Variants in CLVS1 observed in about 807,000 individuals in gnomAD.
The protein encoded by CLVS1 is clavesin-1.
Under a neutral mutation model 33.1 loss-of-function variants are expected in CLVS1, and 10 were observed. That is an observed-to-expected ratio of 0.30 (90% confidence interval 0.19 to 0.51). The LOEUF is 0.51. Among genes scored for constraint, CLVS1 ranks in the 20% least tolerant of loss-of-function variants. The probability of loss-of-function intolerance (pLI) is 0.97; values close to 1 mark genes in which losing one functional copy is unlikely to be tolerated. For missense variants in CLVS1, 343 were observed against 433.4 expected, an observed-to-expected ratio of 0.79 and a Z score of 1.85; for synonymous variants, 163 against 166.1, an observed-to-expected ratio of 0.98 and a Z score of 0.14.
At chr8:61,493,496 C>T (rs890904210) in intron 5 of CLVS1, among the ~76,000 whole-genome samples, 3 of 152,114 alleles carry the variant, frequency 2.0e-5, no homozygotes, top group African/African-American at 7.2e-5. Context: ...ACGATGTGGC[C>T]ACTATCCTAT....
intron 2 of CLVS1, among the ~76,000 whole-genome samples, chr8:61,244,100 ACC>A (rs2129314733): frequency 6.6e-6 from 1 of 152,290 alleles, no homozygotes; most frequent in African/African-American, 2.4e-5. Context: ...CTGAGGTCGA[ACC>A]AAATGACTGC....
the CLVS1 span, among the ~76,000 whole-genome samples, chr8:60,993,225 C>T: frequency 1.3e-5 from 2 of 152,234 alleles, no homozygotes; most frequent in South Asian, 2.1e-4. Flanking sequence ...CTCTAGATCT[C>T]AATACATTTC....
intron 5 of CLVS1, among the ~76,000 whole-genome samples, chr8:61,491,367 A>C (rs966673305): frequency 1.3e-5 from 2 of 152,128 alleles, no homozygotes; most frequent in Non-Finnish European, 2.9e-5. Context: ...AGGTGCCCAA[A>C]CCATAGCCCA....
chr8:61,296,826 CT>C (rs1404710951), intron 1 of CLVS1, among the ~76,000 whole-genome samples: 1 of 152,186 alleles, frequency 6.6e-6, no homozygotes, highest in African/African-American at 2.4e-5. Context: ...TGAAGTCGCT[CT>C]GCCCATGGAG....
chr8:61,272,266 T>G (rs1218496305), intron 2 of CLVS1, among the ~76,000 whole-genome samples: 2 of 152,166 alleles, frequency 1.3e-5, no homozygotes, highest in Non-Finnish European at 2.9e-5. Flanking sequence ...TTAGTTTGGC[T>G]GCATATGAAA....
chr8:61,077,263 G>A (rs912441879), intron 1 of CLVS1, among the ~76,000 whole-genome samples: 1 of 151,410 alleles, frequency 6.6e-6, no homozygotes, highest in Admixed American at 6.6e-5. Context: ...TAGTAGAGAC[G>A]GGTTTCACCC....
chr8:61,308,555 G>A (rs1810718579), intron 2 of CLVS1, among the ~76,000 whole-genome samples: 1 of 152,084 alleles, frequency 6.6e-6, no homozygotes, highest in African/African-American at 2.4e-5. Flanking sequence ...AATGTTATCC[G>A]GTAGAACCGT....
chr8:61,265,838 C>T (rs1360924355), intron 2 of CLVS1, among the ~76,000 whole-genome samples: 1 of 152,188 alleles, frequency 6.6e-6, no homozygotes, highest in African/African-American at 2.4e-5. Flanking sequence ...CTACCACATT[C>T]AGAATGAGCT....
At chr8:61,295,752 G>A (rs150159744) in intron 1 of CLVS1, among the ~76,000 whole-genome samples, 2,220 of 152,168 alleles carry the variant, frequency 0.015, 27 homozygotes, top group Middle Eastern at 0.048. Context: ...CTTAGTGTCT[G>A]TGTAATTTGG....
chr8:61,071,548 A>G (rs1056453770), intron 1 of CLVS1, among the ~76,000 whole-genome samples: 1 of 152,206 alleles, frequency 6.6e-6, no homozygotes, highest in Admixed American at 6.5e-5. Flanking sequence ...TAATCTCCCC[A>G]GCTCAAGTTC....
At chr8:61,322,053 A>G (rs1162728166) in intron 2 of CLVS1, among the ~76,000 whole-genome samples, 3 of 152,166 alleles carry the variant, frequency 2.0e-5, no homozygotes, top group African/African-American at 7.2e-5. Context: ...TAGCTCCACT[A>G]GAATATAAAT....
At chr8:61,354,323 G>T (rs1006782706) in intron 2 of CLVS1, among the ~76,000 whole-genome samples, 14 of 151,948 alleles carry the variant, frequency 9.2e-5, no homozygotes, top group African/African-American at 3.4e-4. Flanking sequence ...ACCAACTGTT[G>T]TTGAGGATAT....
At chr8:61,382,641 C>T (rs906737442) in intron 3 of CLVS1, among the ~76,000 whole-genome samples, 8 of 152,162 alleles carry the variant, frequency 5.3e-5, no homozygotes, top group Non-Finnish European at 5.9e-5. Context: ...CTTTAAGCAC[C>T]GCAGATGCCC....
chr8:61,093,689 G>A (rs6988682), intron 1 of CLVS1, among the ~76,000 whole-genome samples: 2 of 152,046 alleles, frequency 1.3e-5, no homozygotes, highest in Admixed American at 6.5e-5. Context: ...GATCTTCGTT[G>A]ACTTTTCTTT....
intron 3 of CLVS1, among the ~76,000 whole-genome samples, chr8:61,392,125 G>A (rs181337601): frequency 6.6e-6 from 1 of 152,210 alleles, no homozygotes. Flanking sequence ...GTATTTGAGA[G>A]CTGTCCTAGC....
intron 3 of CLVS1, among the ~76,000 whole-genome samples, chr8:61,427,728 T>C (rs1260206726): frequency 1.3e-5 from 2 of 152,232 alleles, no homozygotes; most frequent in Non-Finnish European, 1.5e-5. Context: ...AAACCACTTA[T>C]AAGTAGCAGC....
chr8:61,404,487 T>A (rs976750623), intron 3 of CLVS1, among the ~76,000 whole-genome samples: 1 of 152,182 alleles, frequency 6.6e-6, no homozygotes, highest in Non-Finnish European at 1.5e-5. Context: ...TTGTCTATAA[T>A]GAATAGGTGA....
the CLVS1 span, among the ~76,000 whole-genome samples, chr8:61,035,087 T>C: frequency 0.091 from 13,899 of 152,170 alleles, 684 homozygotes; most frequent in South Asian, 0.18. Context: ...CTGAAATTTG[T>C]GTTTAGGGTT....
chr8:61,286,843 A>T (rs759546538), upstream of CLVS1, among the ~76,000 whole-genome samples: 8 of 152,246 alleles, frequency 5.3e-5, no homozygotes, highest in Non-Finnish European at 8.8e-5. Flanking sequence ...ACCCATAGTG[A>T]TCTAACTAAT....
Sources: allele counts gnomAD v4.1 joint callset (sites outside exome capture counted in the v4.1 genomes callset), GRCh38; gene constraint gnomAD v4.1.1; transcripts MANE v1.5; gene names NCBI Gene and HGNC (gene_info 2026-07-23, HGNC 2026-07-21).